Variants in ARAP2 observed in about 807,000 individuals in gnomAD.
The protein encoded by ARAP2 is arf-GAP with Rho-GAP domain, ANK repeat and PH domain-containing protein 2.
A neutral mutation model predicts 194.5 loss-of-function variants in ARAP2; 148 were observed. That is an observed-to-expected ratio of 0.76 (90% confidence interval 0.67 to 0.87). The LOEUF (loss-of-function observed/expected upper bound fraction) is 0.87, where lower values mean the gene tolerates loss of function less well. Ranked by LOEUF, ARAP2 falls within the 40% of genes least tolerant of loss-of-function variation. The pLI is 0.00. For missense variants in ARAP2, 2,128 were observed against 1,989.7 expected, an observed-to-expected ratio of 1.07 and a Z score of -1.32; for synonymous variants, 695 against 683.5, an observed-to-expected ratio of 1.02 and a Z score of -0.26.
At chr4:36,213,442 G>C (rs1335653726) in intron 3 of ARAP2, 123 bp from the exon 4 acceptor site, 1 of 664,394 alleles carries the variant, frequency 1.5e-6, no homozygotes, top group Non-Finnish European at 2.6e-6. Context: ...TATTCTGTAA[G>C]AGTCCAAATT....
intron 23 of ARAP2, among the ~76,000 whole-genome samples, chr4:36,120,586 A>G (rs1275390922): frequency 2.0e-5 from 3 of 151,604 alleles, no homozygotes; most frequent in Non-Finnish European, 3.0e-5. Context: ...CAAATCCACC[A>G]ATTTGAATCC....
In ARAP2 at chr4:36,214,440, T is replaced by C; in HGVS notation, c.946A>G (p.Lys316Glu). Residue 316 changes from lysine to glutamate, a missense_variant, in exon 3 of 33, where the codon AAA (lysine) becomes GAA (glutamate). Coordinates refer to ENST00000303965, the MANE Select transcript of ARAP2 (RefSeq NM_015230.4). ...GACTCACTTTGCCATGCCACAGATT[T>C]TTCAGTTGAGGTAGCAACATTTCTT... ...ERRNVATSTE[K>E]SVAWQNSNEE... The C allele has an allele frequency of 6.3e-7, 1 of 1,594,672 alleles. No homozygotes were observed.
Position 36,228,845 on chromosome 4 carries a change from A to C in ARAP2, c.642T>G (p.Ser214=). The stretch of plus-strand genomic sequence containing the variant: ...AACAGCCAACAAAAGAAAGGCATTC[A>C]GAGTCTGCATTAGGGAGCTTACTGA... ...ENLSKLPNAD[S]ECLSFVGCST... Residue 214 remains serine, a synonymous_variant, in exon 2 of 33, where the codon TCT becomes TCG. Transcript: ENST00000303965. 6.2e-7 allele frequency: 1 copy of C among 1,614,208 alleles called. No homozygotes were observed. The highest frequency in any genetic ancestry group is 1.1e-5 in the South Asian group (1 of 91,082).
At position 36,068,129 on chromosome 4, in the gene ARAP2, C is replaced by A. The variant is rs1389100195; in HGVS notation, c.4893G>T (p.Arg1631=). 3 of 1,614,110 alleles carry A rather than the reference C, an allele frequency of 1.9e-6. No individual in the cohort carries two copies. The highest frequency in any genetic ancestry group is 2.5e-6 in the Non-Finnish European group (3 of 1,179,990). ...CTGTGTCCTCCAGGCAGTTGAAACTCCGATGTTTTCGGGGTCGATTTCGAA... is the reference window on the plus strand; with the variant it reads ...CTGTGTCCTCCAGGCAGTTGAAACTACGATGTTTTCGGGGTCGATTTCGAA... ...DKLRNRPRKH[R]SFNCLEDTEP... Residue 1631 remains arginine, a synonymous_variant, in exon 33 of 33, where the codon CGG becomes CGT. Transcript: ENST00000303965.
chr4:36,093,575 A>T lies in ARAP2; in HGVS notation c.4286-1555T>A, dbSNP rs890849321. 1.1e-4 allele frequency among the ~76,000 whole-genome samples: 17 copies of T among 152,138 alleles called. 1 individual carries two copies. The highest frequency in any genetic ancestry group is 2.9e-5 in the Non-Finnish European group (2 of 68,020). ...ATAATACTAAGGCTTAGAAAGGTTA[A>T]GCAGATTTCCCAAGGCTGCAGAGCT... On this transcript the variant is annotated intron_variant, in intron 27 of 32. Transcript: ENST00000303965.
chr4:36,099,251 G>A (rs1038021763), intron 27 of ARAP2, among the ~76,000 whole-genome samples: 5 of 152,082 alleles, frequency 3.3e-5, no homozygotes, highest in Non-Finnish European at 7.4e-5. Context: ...TTTTATAGCT[G>A]CATAGTATTC....
rs1179331245 is a variant in ARAP2 at position 36,160,951 on chromosome 4, A to C, written c.2260-310T>G. On this transcript the variant is annotated intron_variant, in intron 12 of 32. Transcript: ENST00000303965. ...GAGACAGCTTCACTTTAAATGGCCG[A>C]GTAGGTGGGCTAATGCTGTCTGAAG... Among the ~76,000 whole-genome samples the C allele has an allele frequency of 3.3e-5, 5 of 152,212 alleles. No individual in the cohort carries two copies. The East Asian group carries it at 9.6e-4, about 29-fold the overall frequency.
At chr4:36,062,238 A>C (rs1230594129), downstream of ARAP2, among the ~76,000 whole-genome samples, 1 of 152,066 alleles carries the variant, frequency 6.6e-6, no homozygotes, top group Non-Finnish European at 1.5e-5. Context: ...TTGTCCTAAA[A>C]AGTTTCCTCA....
chr4:36,236,419 C>G (rs549033596), intron 1 of ARAP2, among the ~76,000 whole-genome samples: 2 of 152,188 alleles, frequency 1.3e-5, no homozygotes, highest in South Asian at 4.1e-4. Flanking sequence ...CTATATGTTA[C>G]AGGATGGAAA....
At chr4:36,199,846 C>T (rs909825380) in intron 6 of ARAP2, among the ~76,000 whole-genome samples, 2 of 152,186 alleles carry the variant, frequency 1.3e-5, no homozygotes, top group Admixed American at 1.3e-4. Context: ...TTATCACACA[C>T]ACACAAAAAC....
At chr4:36,054,644 A>G (rs1166278434) in intron 2 of ARAP2, among the ~76,000 whole-genome samples, 1 of 152,238 alleles carries the variant, frequency 6.6e-6, no homozygotes, top group Non-Finnish European at 1.5e-5. Context: ...TTTAATTACC[A>G]TGCACAAAAT....
At chr4:36,125,925 C>T (rs1047288868) in intron 21 of ARAP2, among the ~76,000 whole-genome samples, 3 of 151,994 alleles carry the variant, frequency 2.0e-5, no homozygotes, top group Non-Finnish European at 2.9e-5. Context: ...CACAGAAAAT[C>T]AGCAGCACGC....
At chr4:36,094,292 T>C (rs1055756272) in intron 27 of ARAP2, among the ~76,000 whole-genome samples, 2 of 152,172 alleles carry the variant, frequency 1.3e-5, no homozygotes. Context: ...CAGCCTCACA[T>C]TATGTACTAT....
chr4:36,193,756 C>A, intron 6 of ARAP2, 109 bp from the exon 7 acceptor site: 5 of 816,662 alleles, frequency 6.1e-6, no homozygotes, highest in African/African-American at 1.8e-5. Context: ...ATGTTAAACA[C>A]CATAGACAAC....
chr4:36,129,631 A>G (rs1024194692), intron 20 of ARAP2, among the ~76,000 whole-genome samples: 2 of 151,444 alleles, frequency 1.3e-5, no homozygotes, highest in African/African-American at 4.9e-5. Context: ...TCCCTCTGTG[A>G]CTGCTCTCTC....
chr4:36,150,339 T>C (rs1730660743), intron 16 of ARAP2, among the ~76,000 whole-genome samples: 1 of 152,166 alleles, frequency 6.6e-6, no homozygotes, highest in Non-Finnish European at 1.5e-5. Context: ...TCATAAGTGA[T>C]ATGCTATACA....
At chr4:36,086,923 A>C (rs749857800) in intron 28 of ARAP2, among the ~76,000 whole-genome samples, 3 of 152,220 alleles carry the variant, frequency 2.0e-5, no homozygotes, top group Admixed American at 6.6e-5. Context: ...TGCAGAACAA[A>C]AGATATCTTT....
chr4:36,171,858 T>TA (rs1291283824), intron 9 of ARAP2, among the ~76,000 whole-genome samples: 1 of 152,142 alleles, frequency 6.6e-6, no homozygotes, highest in Non-Finnish European at 1.5e-5. Flanking sequence ...GCATAATTTT[T>TA]AAAAAATAGA....
intron 28 of ARAP2, among the ~76,000 whole-genome samples, chr4:36,084,713 AG>A (rs1468748051): frequency 6.6e-6 from 1 of 152,136 alleles, no homozygotes; most frequent in Non-Finnish European, 1.5e-5. Context: ...ATAGGTTAGG[AG>A]GATATAACAG....
Sources: allele counts gnomAD v4.1 joint callset (sites outside exome capture counted in the v4.1 genomes callset), GRCh38; gene constraint gnomAD v4.1.1; transcripts MANE v1.5; gene names NCBI Gene and HGNC (gene_info 2026-07-23, HGNC 2026-07-21).